The following DNHD1 variants were observed in gnomAD, a reference collection of about 807,000 sequenced individuals.
DNHD1 encodes dynein heavy chain domain 1, also known as dynein heavy chain domain-containing protein 1.
DNHD1 carries 383 observed loss-of-function variants against 458.1 expected under a neutral mutation model. The ratio of observed to expected loss-of-function variants is 0.84; its 90% CI spans 0.77 to 0.91. DNHD1 has a LOEUF of 0.91. DNHD1 is among the 40% of genes least tolerant of loss of function. DNHD1 has a pLI of 0.00. For missense variants in DNHD1, 5,336 were observed against 5,866.1 expected (o/e 0.91, Z 2.95); for synonymous variants, 2,203 against 2,376.9 (o/e 0.93, Z 2.13).
chr11:6,524,391 C>T (rs1053142458), intron 10 of DNHD1, among the ~76,000 whole-genome samples: 1 of 152,212 alleles, frequency 6.6e-6, no homozygotes, highest in African/African-American at 2.4e-5. Context: ...TTTCCAGTTC[C>T]TCTGCCCTGA....
At chr11:6,499,360 G>T (rs1852092677) in intron 3 of DNHD1, among the ~76,000 whole-genome samples, 2 of 152,088 alleles carry the variant, frequency 1.3e-5, no homozygotes, top group South Asian at 4.1e-4. Flanking sequence ...CCTGGATGTT[G>T]GGTCTTTCCC....
At chr11:6,526,046 T>A (rs1486766925) in intron 10 of DNHD1, among the ~76,000 whole-genome samples, 1 of 152,170 alleles carries the variant, frequency 6.6e-6, no homozygotes, top group Non-Finnish European at 1.5e-5. Flanking sequence ...CTTTGTTTTT[T>A]TCTTGGGGGA....
chr11:6,498,286 A>T lies in DNHD1; in HGVS notation c.71A>T (p.His24Leu), dbSNP rs750084166. Residue 24 changes from histidine to leucine, a missense_variant, in exon 3 of 43, where the codon CAC becomes CTC. His to Leu is a moderately conservative substitution (Grantham distance 99). This residue lies in a region of DNHD1 where 3,932 missense variants were observed against 4,365.6 expected (regional missense o/e 0.90). Transcript: ENST00000254579. Reference sequence around the variant, plus strand: ...TCATCTGATTCCCTTAAGTCTTGGCACTCCATATGTGTCTTGGACAGCAAA... The same window carrying T: ...TCATCTGATTCCCTTAAGTCTTGGCTCTCCATATGTGTCTTGGACAGCAAA... ...ETSSDSLKSW[H>L]SICVLDSKEQ... The T allele has an allele frequency of 6.2e-7, 1 of 1,614,038 alleles. No homozygotes were observed. Among genetic ancestry groups the T allele is most frequent in the South Asian group, 1.1e-5 (1 of 91,076 alleles).
intron 7 of DNHD1, among the ~76,000 whole-genome samples, chr11:6,518,085 G>A (rs1195376753): frequency 6.6e-6 from 1 of 152,058 alleles, no homozygotes; most frequent in African/African-American, 2.4e-5. Context: ...CATTACTTTT[G>A]AGACAGAATC....
intron 16 of DNHD1, 136 bp downstream of exon 16, chr11:6,538,946 C>A: frequency 9.5e-7 from 1 of 1,050,278 alleles, no homozygotes; most frequent in Non-Finnish European, 1.3e-6. Flanking sequence ...CCACATATTT[C>A]AATTTCTTTT....
rs1853732586 is a variant in DNHD1, at chr11:6,567,404, C to T, written c.11895C>T (p.Pro3965=). 1 of 1,613,580 alleles carries T rather than the reference C, an allele frequency of 6.2e-7. No homozygotes were observed. The highest frequency in any genetic ancestry group is 1.1e-5 in the South Asian group (1 of 91,016). ...LALWPGLAAS[P]STVHSKPVSD... ...TCTGGCCTGGACTAGCAGCCTCTCC[C>T]AGCACAGTCCACAGCAAGCCAGTCT... Residue 3965 remains proline (P), a synonymous_variant, in exon 36 of 43, where the codon CCC becomes CCT. Coordinates refer to ENST00000254579, the MANE Select transcript of DNHD1 (RefSeq NM_144666.3).
chr11:6,520,243 G>A lies in DNHD1; in HGVS notation c.1791G>A (p.Val597=), dbSNP rs749003821. 16 of 1,554,674 alleles carry A rather than the reference G, an allele frequency of 1.0e-5. No homozygotes were observed. In the South Asian group the frequency reaches 1.3e-4, roughly 13 times the overall value. The change falls in exon 10 of 43, where the codon GTG becomes GTA. Residue 597 remains valine (V), a synonymous_variant. Transcript: ENST00000254579. Reference sequence around the variant, plus strand: ...CTCCATATCCTGGCATGAAGGTAGTGCAGTCTGCAGACCTGAAGACCTCCT... The same window carrying A: ...CTCCATATCCTGGCATGAAGGTAGTACAGTCTGCAGACCTGAAGACCTCCT... ...QSVKTSALQV[V]QSADLKTSSD... is the part of the protein sequence containing the mutation.
intron 31 of DNHD1, 36 bp from the exon 32 acceptor site, chr11:6,564,297 G>A (rs1396787208): frequency 6.6e-7 from 1 of 1,504,984 alleles, no homozygotes; most frequent in Non-Finnish European, 8.9e-7. Flanking sequence ...CCTCCTCACT[G>A]GCCTACACAG....
chr11:6,547,062 C>T lies in DNHD1; in HGVS notation c.6123C>T (p.Phe2041=). ...LYPSGLSPQE[F]LGWLEGSCWH... ...CCAGTGGCCTCAGCCCCCAGGAGTT[C>T]CTGGGATGGCTAGAGGGCTCCTGCT... Residue 2041 remains phenylalanine, a synonymous_variant, in exon 21 of 43, where the codon TTC becomes TTT. Transcript: ENST00000254579. The T allele has an allele frequency of 6.4e-7, 1 of 1,551,732 alleles. No homozygotes were observed. Among genetic ancestry groups the T allele is most frequent in the Non-Finnish European group, 8.7e-7 (1 of 1,147,004 alleles).
At chr11:6,511,468 G>A (rs773093475) in intron 7 of DNHD1, 39 bp downstream of exon 7, 3 of 1,604,462 alleles carry the variant, frequency 1.9e-6, no homozygotes, top group Non-Finnish European at 2.6e-6. Flanking sequence ...TCTTCCCCAA[G>A]TTGAGCTCCC....
intron 7 of DNHD1, among the ~76,000 whole-genome samples, chr11:6,512,883 C>T (rs1852375307): frequency 6.6e-6 from 1 of 152,118 alleles, no homozygotes; most frequent in Non-Finnish European, 1.5e-5. Flanking sequence ...TACGACTTTG[C>T]ACTGATTGGA....
chr11:6,558,754 C>T (rs998927022), intron 26 of DNHD1, 61 bp downstream of exon 26: 16 of 1,526,370 alleles, frequency 1.0e-5, no homozygotes, highest in African/African-American at 1.4e-5. Flanking sequence ...AGGGTTATTA[C>T]CTAGGTCAGT....
Position 6,567,069 on chromosome 11 carries a change from G to C in DNHD1, c.11560G>C (p.Val3854Leu). 6.2e-7 allele frequency: 1 copy of C among 1,614,024 alleles called. No homozygotes were observed. The highest frequency in any genetic ancestry group is 1.7e-5 in the Admixed American group (1 of 60,022). Residue 3854 changes from valine to leucine, a missense_variant, in exon 36 of 43, where the codon GTT becomes CTT. Physicochemically the swap from Val to Leu is conservative, Grantham distance 32 (BLOSUM62 1). Transcript: ENST00000254579. ...ATTGTGGGCACCCTATCGACCTGTG[G>C]TTTGGCATGGAATGGCCATGGTAAA... Reference protein sequence around the residue: ...MVLWAPYRPVVWHGMAMVKAL... With the variant: ...MVLWAPYRPVLWHGMAMVKAL...
rs1204915613 is a variant in DNHD1 at position 6,498,090 on chromosome 11, T to C, written c.-126T>C. ...TCCCCTGCCCAGAGCCTGAGGTCCC[T>C]TCTCTGGCCCCTCTGCTGGGCTGGC... On this transcript the variant is annotated 5_prime_UTR_variant, in exon 3 of 43. Transcript: ENST00000254579. 3 of 1,373,780 alleles carry C rather than the reference T, an allele frequency of 2.2e-6. No individual in the cohort carries two copies. In the African/African-American group the frequency reaches 4.4e-5, roughly 20 times the overall value. 85.1% of individuals were successfully genotyped at this position (1,373,780 alleles called of 1,614,324 possible). A position where few individuals can be genotyped will look rare whatever the true frequency, so the allele number is the denominator to read the frequency against.
In DNHD1 at chr11:6,509,499, C is replaced by A. The variant is rs1056405634; in HGVS notation, c.1235+227C>A. On this transcript the variant is annotated intron_variant, in intron 6 of 42. Coordinates refer to ENST00000254579, the MANE Select transcript of DNHD1 (RefSeq NM_144666.3). ...CATACTGTTAAATAACCAGTTTTTTCTTTGAACATATATTCTGAACTAGAT... is the reference window on the plus strand; with the variant it reads ...CATACTGTTAAATAACCAGTTTTTTATTTGAACATATATTCTGAACTAGAT... 3.3e-5 allele frequency among the ~76,000 whole-genome samples: 5 copies of A among 151,994 alleles called. No individual in the cohort carries two copies. In the South Asian group the frequency reaches 1.0e-3, roughly 32 times the overall value.
rs199875777 is a variant in DNHD1 at position 6,559,052 on chromosome 11, C to T, written c.9362C>T (p.Thr3121Ile). ...AAGACCTTCCTAGACTTCCTGGACA[C>T]TTTCCTGATGCTGCAGCAACAGACA... ...TPKTFLDFLD[T>I]FLMLQQQTIL... Residue 3121 changes from threonine (T) to isoleucine (I), a missense_variant, in exon 27 of 43, where the codon ACT becomes ATT. By Grantham distance (89) the Thr-to-Ile change is moderately conservative. Coordinates refer to ENST00000254579, the MANE Select transcript of DNHD1 (RefSeq NM_144666.3). 2.8e-4 allele frequency: 430 copies of T among 1,551,590 alleles called. No individual in the cohort carries two copies. The highest frequency in any genetic ancestry group is 3.5e-4 in the Non-Finnish European group (403 of 1,146,994).
intron 28 of DNHD1, among the ~76,000 whole-genome samples, chr11:6,560,285 C>T (rs983536083): frequency 1.3e-5 from 2 of 152,172 alleles, no homozygotes; most frequent in South Asian, 4.1e-4. Context: ...TGATAAGTGC[C>T]TTTAGGACTA....
Position 6,566,642 on chromosome 11 carries a change from G to A in DNHD1, c.11262G>A (p.Met3754Ile), listed in dbSNP as rs764233937. The A allele has an allele frequency of 3.7e-6, 6 of 1,613,682 alleles. No homozygotes were observed. In the African/African-American group the frequency reaches 8.0e-5, roughly 22 times the overall value. The change falls in exon 35 of 43, where the codon ATG becomes ATA. Residue 3754 changes from methionine (M) to isoleucine (I), a missense_variant. This residue lies in a region of DNHD1 where 695 missense variants were observed against 804.2 expected (regional missense o/e 0.86). Transcript: ENST00000254579. ...GLNVLDLGLN[M>I]EILEEQMLHE... ...ATGTGTTGGATCTGGGCCTGAACAT[G>A]GAAATACTGGAAGAACAGATGCTGC...
In DNHD1 at chr11:6,547,657, C is replaced by G; in HGVS notation, c.6718C>G (p.Pro2240Ala). ...CCTTCGCCTAAAGGAGGAGAAGGCCCCTGGCCCAGGTGGGAAGATGGACGG... is the reference window on the plus strand; with the variant it reads ...CCTTCGCCTAAAGGAGGAGAAGGCCGCTGGCCCAGGTGGGAAGATGGACGG... The part of the protein sequence containing the change: ...LHLRLKEEKA[P>A]GPEDLSYSDP... The change falls in exon 21 of 43, where the codon CCT (proline) becomes GCT (alanine). Residue 2240 changes from proline to alanine, a missense_variant. Physicochemically the swap from Pro to Ala is conservative, Grantham distance 27. Around this residue, in one of 4 missense-constraint regions of DNHD1, gnomAD observed 3,932 missense variants for 4,365.6 expected, o/e 0.90. Transcript: ENST00000254579. 6.6e-7 allele frequency: 1 copy of G among 1,521,980 alleles called. No homozygotes were observed. The highest frequency in any genetic ancestry group is 8.9e-7 in the Non-Finnish European group (1 of 1,128,168). The allele number at this position is 1,521,980 out of a possible 1,614,324, so 94.3% of individuals were successfully genotyped here. A position where few individuals can be genotyped will look rare whatever the true frequency, so the allele number is the denominator to read the frequency against.
Sources: allele counts gnomAD v4.1 joint callset (sites outside exome capture counted in the v4.1 genomes callset), GRCh38; gene constraint gnomAD v4.1.1; regional missense constraint gnomAD v4.1.1; transcripts MANE v1.5; gene names NCBI Gene and HGNC (gene_info 2026-07-23, HGNC 2026-07-21).